BTBD7: variants seen among roughly 807,000 people sequenced by gnomAD.
BTBD7 encodes BTB domain containing 7.
Under a neutral mutation model 99.9 loss-of-function variants are expected in BTBD7, and 38 were observed. The ratio of observed to expected loss-of-function variants is 0.38; its 90% CI spans 0.29 to 0.50. BTBD7 has a LOEUF of 0.50. Among genes scored for constraint, BTBD7 ranks in the 20% least tolerant of loss-of-function variants. The pLI, the probability that BTBD7 is intolerant of heterozygous loss-of-function variation, is 0.93. For synonymous variants in BTBD7, 520 were observed against 511.4 expected, an observed-to-expected ratio of 1.02 and a Z score of -0.23; for missense variants, 1,170 against 1,394.6, an observed-to-expected ratio of 0.84 and a Z score of 2.57.
intron 1 of BTBD7, among the ~76,000 whole-genome samples, chr14:93,300,704 TTGTGTGTGTGTG>T (rs57228905): frequency 0.076 from 6,593 of 86,958 alleles, 454 homozygotes; most frequent in Non-Finnish European, 0.09. Flanking sequence ...CCCAGCTAAT[TTGTGTGTGTGTG>T]TGTGTGTGTG....
At chr14:93,328,611 TAAAAAAAAAAAAAAAA>T (rs57161505) in intron 1 of BTBD7, among the ~76,000 whole-genome samples, 11,719 of 102,300 alleles carry the variant, frequency 0.11, 1,168 homozygotes, top group African/African-American at 0.28. Flanking sequence ...TAAAATTCTT[TAAAAAAAAAAAAAAAA>T]AAAAAAAAAG....
chr14:93,290,946 A>G (rs1009822477), intron 3 of BTBD7, among the ~76,000 whole-genome samples: 12 of 150,880 alleles, frequency 8.0e-5, no homozygotes, highest in African/African-American at 2.9e-4. Flanking sequence ...CGGCCTCCCA[A>G]AGTGCTGGGA....
chr14:93,272,654 C>T (rs887248563), intron 3 of BTBD7, among the ~76,000 whole-genome samples: 6 of 152,194 alleles, frequency 3.9e-5, no homozygotes, highest in African/African-American at 1.4e-4. Context: ...AACAGCACTA[C>T]CATCACATCA....
At chr14:93,265,704 C>T (rs973252841) in intron 3 of BTBD7, among the ~76,000 whole-genome samples, 3 of 152,210 alleles carry the variant, frequency 2.0e-5, no homozygotes, top group Non-Finnish European at 4.4e-5. Flanking sequence ...GGTGGATCAC[C>T]TGAGGTCAGG....
chr14:93,267,832 G>C (rs2052558068), intron 3 of BTBD7, among the ~76,000 whole-genome samples: 1 of 152,132 alleles, frequency 6.6e-6, no homozygotes, highest in African/African-American at 2.4e-5. Context: ...TTCAGAACCT[G>C]ATACTTTTCC....
At chr14:93,270,801 G>A (rs978782033) in intron 3 of BTBD7, among the ~76,000 whole-genome samples, 2 of 152,160 alleles carry the variant, frequency 1.3e-5, no homozygotes, top group Admixed American at 1.3e-4. Context: ...TTCCGCTCAG[G>A]CAGACTTTCA....
Position 93,296,126 on chromosome 14 carries a change from C to G in BTBD7, c.-75G>C. 6.8e-7 allele frequency: 1 copy of G among 1,463,524 alleles called. No individual in the cohort carries two copies. Among genetic ancestry groups the G allele is most frequent in the Non-Finnish European group, 9.1e-7 (1 of 1,101,796 alleles). The allele number at this position is 1,463,524 out of a possible 1,614,324, so 90.7% of individuals were successfully genotyped here. A position where few individuals can be genotyped will look rare whatever the true frequency, so the allele number is the denominator to read the frequency against. On this transcript the variant is annotated 5_prime_UTR_variant, in exon 2 of 11. Transcript: ENST00000334746. ...CCCAGAGGCCTTTATGAACCTTCAACCCTGGATCCAGCAGCCTCTTTTCAT... is the reference window on the plus strand; with the variant it reads ...CCCAGAGGCCTTTATGAACCTTCAAGCCTGGATCCAGCAGCCTCTTTTCAT...
At chr14:93,269,389 C>T (rs1383689739) in intron 3 of BTBD7, among the ~76,000 whole-genome samples, 1 of 152,174 alleles carries the variant, frequency 6.6e-6, no homozygotes, top group African/African-American at 2.4e-5. Flanking sequence ...AGAGGCTTTA[C>T]ACGGTGCCAC....
intron 6 of BTBD7, chr14:93,256,189 C>T (rs1357473762): frequency 2.0e-5 from 3 of 152,066 alleles, no homozygotes; most frequent in Non-Finnish European, 4.4e-5. Flanking sequence ...CAATAAATTT[C>T]TTCTTCTGCT....
In BTBD7 at chr14:93,250,983, A is replaced by AT. The variant is rs776253408; in HGVS notation, c.1942+479dup. On this transcript the variant is annotated intron_variant, in intron 8 of 10. Coordinates refer to ENST00000334746, the MANE Select transcript of BTBD7 (RefSeq NM_001002860.4). ...GTAACCTGAGAAATACCCTATAGTG[A>AT]TAAAAAAAAATCTGAATTCCTCTAA... Among the ~76,000 whole-genome samples the AT allele has an allele frequency of 4.6e-5, 7 of 151,276 alleles. No individual in the cohort carries two copies. The East Asian group carries it at 1.2e-3, about 25-fold the overall frequency.
chr14:93,300,784 A>ATTTT, intron 1 of BTBD7, among the ~76,000 whole-genome samples: 1 of 70,208 alleles, frequency 1.4e-5, no homozygotes, highest in African/African-American at 6.4e-5. Context: ...ATATATATAT[A>ATTTT]TATTTTTTTT....
chr14:93,277,602 G>A (rs928262025), intron 3 of BTBD7, among the ~76,000 whole-genome samples: 9 of 152,132 alleles, frequency 5.9e-5, no homozygotes, highest in Admixed American at 5.9e-4. Context: ...GAAAAATGTG[G>A]ATAATACCGT....
intron 3 of BTBD7, among the ~76,000 whole-genome samples, chr14:93,283,827 C>A (rs1235391680): frequency 6.6e-6 from 1 of 152,170 alleles, no homozygotes; most frequent in Non-Finnish European, 1.5e-5. Flanking sequence ...GCTGGGATTA[C>A]AGGCATGAGC....
intron 1 of BTBD7, among the ~76,000 whole-genome samples, chr14:93,315,838 G>A (rs1465700662): frequency 6.6e-6 from 1 of 151,904 alleles, no homozygotes; most frequent in Non-Finnish European, 1.5e-5. Flanking sequence ...ATGGACATTT[G>A]GGTTGTTTCC....
chr14:93,265,229 A>G (rs1215466486), intron 3 of BTBD7, among the ~76,000 whole-genome samples: 4 of 152,238 alleles, frequency 2.6e-5, no homozygotes, highest in African/African-American at 9.6e-5. Context: ...AAAGGGAGTG[A>G]ATCCCACTTT....
chr14:93,257,848 C>T (rs1381706112), intron 5 of BTBD7, among the ~76,000 whole-genome samples: 1 of 152,108 alleles, frequency 6.6e-6, no homozygotes, highest in African/African-American at 2.4e-5. Flanking sequence ...GCATAATGTG[C>T]TTTATTTGGT....
In BTBD7 at chr14:93,287,228, C is replaced by CAAAAAAAAAAAAAAAA. The variant is rs528012658; in HGVS notation, c.1162+6629_1162+6630insTTTTTTTTTTTTTTTT. ...TGGGCGACAGAGCGAGACTCTGTCT[C>CAAAAAAAAAAAAAAAA]AAAAAAAAAAAAAGTTAACCTTGTA... On this transcript the variant is annotated intron_variant, in intron 3 of 10. Transcript: ENST00000334746. Among the ~76,000 whole-genome samples the CAAAAAAAAAAAAAAAA allele has an allele frequency of 4.5e-4, 57 of 126,784 alleles. 1 individual carries two copies. The highest frequency in any genetic ancestry group is 1.1e-3 in the African/African-American group (33 of 31,236). 83.2% of individuals were successfully genotyped at this position (126,784 alleles called of 152,430 possible).
In BTBD7 at chr14:93,310,021, C is replaced by T. The variant is rs754928179; in HGVS notation, c.-106-13864G>A. Among the ~76,000 whole-genome samples the T allele has an allele frequency of 9.8e-4, 149 of 151,942 alleles. 1 individual carries two copies. Among genetic ancestry groups the T allele is most frequent in the Admixed American group, 2.3e-3 (35 of 15,256 alleles). ...TGCTCTGTTGCAGAGGCTGGGGTGC[C>T]GTGGCACAAACATAGCTCACTGCAA... On this transcript the variant is annotated intron_variant, in intron 1 of 10. Transcript: ENST00000334746.
At position 93,239,595 on chromosome 14, in the gene BTBD7, T is replaced by G. The variant is rs1324663896; in HGVS notation, c.*2678A>C. The G allele has an allele frequency of 1.3e-5, 2 of 152,444 alleles. No homozygotes were observed. Among genetic ancestry groups the G allele is most frequent in the African/African-American group, 2.4e-5 (1 of 41,360 alleles). 9.4% of individuals were successfully genotyped at this position (152,444 alleles called of 1,614,324 possible). A position where few individuals can be genotyped will look rare whatever the true frequency, so the allele number is the denominator to read the frequency against. On this transcript the variant is annotated 3_prime_UTR_variant, in exon 11 of 11. Coordinates refer to ENST00000334746, the MANE Select transcript of BTBD7 (RefSeq NM_001002860.4). ...AGTAACCATACTTCACAAGATACAT[T>G]AAAAGTCCACTAACACCTAACCTAA...
Sources: gnomAD v4.1 joint callset for allele counts (sites outside exome capture counted in the v4.1 genomes callset) on GRCh38, gnomAD v4.1.1 for gene constraint, MANE v1.5 for transcripts, NCBI Gene and HGNC (gene_info 2026-07-23, HGNC 2026-07-21) for gene names.